Variants in GPC5 observed in about 807,000 individuals in gnomAD.
The protein encoded by GPC5 is glypican 5, also known as glypican-5.
A neutral mutation model predicts 53.9 loss-of-function variants in GPC5; 47 were observed. That is an observed-to-expected ratio of 0.87 (90% confidence interval 0.69 to 1.11). The LOEUF (loss-of-function observed/expected upper bound fraction) is 1.11, where lower values mean the gene tolerates loss of function less well. GPC5 is among the 50% of genes most tolerant of loss of function. GPC5 has a pLI of 0.00. For synonymous variants in GPC5, 286 were observed against 263.3 expected (o/e 1.09, Z -0.84); for missense variants, 748 against 713.1 (o/e 1.05, Z -0.56).
rs79095610 is a variant in GPC5 at position 92,672,940 on chromosome 13, C to A, written c.1562-193342C>A. 3.5e-3 allele frequency among the ~76,000 whole-genome samples: 526 copies of A among 152,210 alleles called. 2 individuals are homozygous for A. The highest frequency in any genetic ancestry group is 0.011 in the African/African-American group (460 of 41,528). The stretch of plus-strand genomic sequence containing the variant: ...GGAAAAATAACTAATGGGTGATAGG[C>A]TTGATATCTGGATGATGAAATAATC... On this transcript the variant is annotated intron_variant, in intron 7 of 7. Coordinates refer to ENST00000377067, the MANE Select transcript of GPC5 (RefSeq NM_004466.6).
chr13:92,043,459 C>A (rs1418190366), intron 6 of GPC5, among the ~76,000 whole-genome samples: 5 of 152,174 alleles, frequency 3.3e-5, no homozygotes, highest in African/African-American at 1.2e-4. Context: ...TGTAATGGGC[C>A]ATGGAAATTG....
At chr13:92,757,978 C>T (rs1467651208) in intron 7 of GPC5, among the ~76,000 whole-genome samples, 1 of 151,206 alleles carries the variant, frequency 6.6e-6, no homozygotes, top group East Asian at 1.9e-4. Context: ...CATGCCATTC[C>T]TGGGTATATA....
At chr13:92,095,478 G>C (rs1482685194) in intron 6 of GPC5, among the ~76,000 whole-genome samples, 1 of 152,010 alleles carries the variant, frequency 6.6e-6, no homozygotes, top group Non-Finnish European at 1.5e-5. Context: ...CTCCCTTGTA[G>C]CTGGGACTAC....
intron 7 of GPC5, among the ~76,000 whole-genome samples, chr13:92,665,423 C>T (rs1566352241): frequency 6.6e-6 from 1 of 152,322 alleles, no homozygotes; most frequent in Non-Finnish European, 1.5e-5. Flanking sequence ...GAATTCAGAT[C>T]TCTTGACCCT....
intron 6 of GPC5, among the ~76,000 whole-genome samples, chr13:92,124,053 T>G (rs1396765812): frequency 6.6e-6 from 1 of 151,734 alleles, no homozygotes; most frequent in Non-Finnish European, 1.5e-5. Context: ...AAATAATCAT[T>G]TAACAAAATC....
intron 7 of GPC5, chr13:92,340,721 G>A (rs913964670): frequency 6.6e-6 from 1 of 151,986 alleles, no homozygotes. Context: ...TCAGACAAAC[G>A]ATTGTATTGA....
At chr13:92,449,815 C>A (rs973370309) in intron 7 of GPC5, among the ~76,000 whole-genome samples, 4 of 152,004 alleles carry the variant, frequency 2.6e-5, no homozygotes, top group African/African-American at 7.2e-5. Flanking sequence ...GCATATGTTT[C>A]ATATGTTTTT....
At chr13:91,448,326 C>A (rs1880943256) in intron 1 of GPC5, among the ~76,000 whole-genome samples, 1 of 152,086 alleles carries the variant, frequency 6.6e-6, no homozygotes, top group Non-Finnish European at 1.5e-5. Context: ...AGTTTTTTGA[C>A]CTTTATGTGA....
chr13:92,262,307 GTTTTAC>G (rs151327376), intron 7 of GPC5, among the ~76,000 whole-genome samples: 173 of 152,216 alleles, frequency 1.1e-3, no homozygotes, highest in African/African-American at 3.9e-3. Context: ...GGGCATTCGT[GTTTTAC>G]TTTTATTGCT....
intron 5 of GPC5, among the ~76,000 whole-genome samples, chr13:91,835,834 G>A (rs2038718137): frequency 6.6e-6 from 1 of 152,022 alleles, no homozygotes; most frequent in Non-Finnish European, 1.5e-5. Context: ...GTATACCTAT[G>A]TAACAAAACT....
At chr13:91,896,886 G>A (rs902140312) in intron 5 of GPC5, among the ~76,000 whole-genome samples, 2 of 152,122 alleles carry the variant, frequency 1.3e-5, no homozygotes, top group East Asian at 1.9e-4. Flanking sequence ...ATATACAAGC[G>A]AACACAAATT....
At chr13:92,344,447 T>C (rs2043393291) in intron 7 of GPC5, among the ~76,000 whole-genome samples, 1 of 152,108 alleles carries the variant, frequency 6.6e-6, no homozygotes, top group Non-Finnish European at 1.5e-5. Context: ...ACTGCAGAAT[T>C]AGAAGGCCAC....
chr13:92,390,624 G>A (rs1343800250), intron 7 of GPC5, among the ~76,000 whole-genome samples: 1 of 151,994 alleles, frequency 6.6e-6, no homozygotes, highest in East Asian at 1.9e-4. Flanking sequence ...TAGTCGTGAT[G>A]TTTACTTAGA....
intron 6 of GPC5, among the ~76,000 whole-genome samples, chr13:92,001,219 A>G (rs1316859064): frequency 3.3e-5 from 5 of 152,224 alleles, no homozygotes; most frequent in Non-Finnish European, 7.3e-5. Context: ...TTACTTGAAT[A>G]CACACAGGTG....
Position 92,090,128 on chromosome 13 carries a change from C to T in GPC5, c.1402-54702C>T, listed in dbSNP as rs185883486. Reference sequence around the variant, plus strand: ...GAAGTATAGTCTCTGATTTGCCTATCTAAAGAGTGAAAAATTTCATTTTTA... The same window carrying T: ...GAAGTATAGTCTCTGATTTGCCTATTTAAAGAGTGAAAAATTTCATTTTTA... On this transcript the variant is annotated intron_variant, in intron 6 of 7. Coordinates refer to ENST00000377067, the MANE Select transcript of GPC5 (RefSeq NM_004466.6). Among the ~76,000 whole-genome samples the T allele has an allele frequency of 2.1e-3, 319 of 152,266 alleles. 2 individuals carry two copies. The highest frequency in any genetic ancestry group is 7.2e-3 in the African/African-American group (301 of 41,560).
chr13:92,514,780 G>A (rs560459333), intron 7 of GPC5, among the ~76,000 whole-genome samples: 1 of 152,270 alleles, frequency 6.6e-6, no homozygotes, highest in East Asian at 1.9e-4. Flanking sequence ...TATCTAGTGA[G>A]TCAGACAAAT....
chr13:91,704,428 G>A (rs1043576795), intron 3 of GPC5, among the ~76,000 whole-genome samples: 2 of 152,178 alleles, frequency 1.3e-5, no homozygotes, highest in African/African-American at 4.8e-5. Flanking sequence ...AGGGGATCTG[G>A]GTCTGGGCTA....
chr13:92,731,345 T>G (rs1888797922), intron 7 of GPC5, among the ~76,000 whole-genome samples: 1 of 151,384 alleles, frequency 6.6e-6, no homozygotes, highest in Non-Finnish European at 1.5e-5. Flanking sequence ...AAAACAAAAA[T>G]ACAGTGGTGA....
At chr13:91,644,371 C>T (rs1359170450) in intron 2 of GPC5, among the ~76,000 whole-genome samples, 2 of 152,164 alleles carry the variant, frequency 1.3e-5, no homozygotes, top group African/African-American at 4.8e-5. Flanking sequence ...CCTGAATCTG[C>T]ACTCTGACTG....
Sources: allele counts gnomAD v4.1 joint callset (sites outside exome capture counted in the v4.1 genomes callset), GRCh38; gene constraint gnomAD v4.1.1; transcripts MANE v1.5; gene names NCBI Gene and HGNC (gene_info 2026-07-23, HGNC 2026-07-21).